CLN3: variants seen among roughly 807,000 people sequenced by gnomAD.
CLN3 encodes CLN3 lysosomal/endosomal transmembrane protein, battenin.
A neutral mutation model predicts 60.7 loss-of-function variants in CLN3; 49 were observed. The ratio of observed to expected loss-of-function variants is 0.81; its 90% CI spans 0.64 to 1.02. The LOEUF is 1.02. CLN3 is among the 50% of genes least tolerant of loss of function. The pLI, the probability that CLN3 is intolerant of heterozygous loss-of-function variation, is 0.00. For missense variants in CLN3, 516 were observed against 557.4 expected, an observed-to-expected ratio of 0.93 and a Z score of 0.75; for synonymous variants, 256 against 245.8, an observed-to-expected ratio of 1.04 and a Z score of -0.39.
chr16:28,479,185 T>A (rs951809309), intron 14 of CLN3, among the ~76,000 whole-genome samples: 2 of 152,224 alleles, frequency 1.3e-5, no homozygotes, highest in Non-Finnish European at 2.9e-5. Context: ...ACTTTTCGTA[T>A]ATGTAAGAAT....
chr16:28,477,982 G>A, intron 14 of CLN3, 105 bp from the exon 15 acceptor site: 2 of 1,327,732 alleles, frequency 1.5e-6, no homozygotes, highest in Non-Finnish European at 2.1e-6. Flanking sequence ...TGGTGAAGGA[G>A]AGGGCTGCCA....
At position 28,492,037 on chromosome 16, in the gene CLN3, T is replaced by A. The variant is rs565767570; in HGVS notation, c.-94A>T. ...GCCTGTACCTTTAAGAGCAGCAGAA[T>A]GTTCTGCACTATGCAGAGGCCGTTT... On this transcript the variant is annotated 5_prime_UTR_variant, in exon 1 of 16. Transcript: ENST00000636147. The A allele has an allele frequency of 1.4e-5, 8 of 571,212 alleles. 1 individual carries two copies. The highest frequency in any genetic ancestry group is 1.2e-4 in the South Asian group (6 of 49,678). The allele number at this position is 571,212 out of a possible 1,614,324, so 35.4% of individuals were successfully genotyped here.
the CLN3 span, among the ~76,000 whole-genome samples, chr16:28,468,806 CAAAAAAAAA>C: frequency 2.5e-4 from 6 of 24,384 alleles, no homozygotes; most frequent in Middle Eastern, 0.02. Context: ...GACTCTGTCT[CAAAAAAAAA>C]AAAAAAAAAA....
At chr16:28,487,629 G>C (rs2046242983) in intron 6 of CLN3, 33 bp downstream of exon 6, 1 of 1,603,168 alleles carries the variant, frequency 6.2e-7, no homozygotes, top group Non-Finnish European at 8.5e-7. Context: ...CTCAGCTCCT[G>C]CCCACCCTGC....
At chr16:28,478,754 T>C (rs989993615) in intron 14 of CLN3, among the ~76,000 whole-genome samples, 13 of 152,028 alleles carry the variant, frequency 8.6e-5, no homozygotes, top group Non-Finnish European at 1.3e-4. Context: ...GTCCTGTATA[T>C]GGCAGCGCAT....
At chr16:28,487,569 G>A in intron 6 of CLN3, 28 bp from the exon 7 acceptor site, 3 of 1,603,814 alleles carry the variant, frequency 1.9e-6, no homozygotes, top group South Asian at 1.1e-5. Flanking sequence ...GAAGGGAGGG[G>A]GAAGGTCGGT....
chr16:28,473,758 T>TA (rs201760913), downstream of CLN3, among the ~76,000 whole-genome samples: 6 of 151,928 alleles, frequency 3.9e-5, no homozygotes, highest in East Asian at 1.9e-4. Context: ...GGCTCTTTAA[T>TA]AAAAAAAGAC....
Position 28,488,676 on chromosome 16 carries a change from A to C in CLN3, c.223-14T>G. The stretch of plus-strand genomic sequence containing the variant: ...GCCTGGGTCCACCTAATGGGAGAAA[A>C]GCATGTCTTTCACCCTGGAGGCAGA... On this transcript the variant is annotated splice_polypyrimidine_tract_variant and intron_variant, in intron 4 of 15. Transcript: ENST00000636147. 1 of 1,613,138 alleles carries C rather than the reference A, an allele frequency of 6.2e-7. No homozygotes were observed. Among genetic ancestry groups the C allele is most frequent in the East Asian group, 2.2e-5 (1 of 44,872 alleles).
rs754906598 is a variant in CLN3 at position 28,484,089 on chromosome 16, G to T, written c.707C>A (p.Ala236Asp). 6.2e-7 allele frequency: 1 copy of T among 1,611,950 alleles called. No individual in the cohort carries two copies. The highest frequency in any genetic ancestry group is 1.3e-5 in the African/African-American group (1 of 75,024). ...SYFLLLTSPE[A>D]QDPGGEEEAE... ...TTCTTCTTCCCCTCCAGGGTCCTGG[G>T]CCTCAGGAGATGTGAGCAACAAGAA... The change falls in exon 10 of 16, where the codon GCC (alanine) becomes GAC (aspartate). Residue 236 changes from alanine to aspartate, a missense_variant. Transcript: ENST00000636147.
the CLN3 span, among the ~76,000 whole-genome samples, chr16:28,468,754 C>T: frequency 8.4e-6 from 1 of 119,392 alleles, no homozygotes; most frequent in Admixed American, 1.0e-4. Flanking sequence ...TTGCAGTGAG[C>T]CGAGATCGCA....
intron 5 of CLN3, chr16:28,488,320 A>C: frequency 5.4e-6 from 1 of 185,950 alleles, no homozygotes. Flanking sequence ...TAAGGTCTCA[A>C]TTATTTTATA....
downstream of CLN3, among the ~76,000 whole-genome samples, chr16:28,472,917 GTGAGCCAC>G (rs1357707884): frequency 1.4e-5 from 2 of 147,738 alleles, no homozygotes; most frequent in Non-Finnish European, 3.0e-5. Context: ...GATTACAGGC[GTGAGCCAC>G]TGCACCCCGC....
chr16:28,484,101 G>A lies in CLN3; in HGVS notation c.695C>T (p.Thr232Ile), dbSNP rs752450798. The A allele has an allele frequency of 6.2e-7, 1 of 1,610,862 alleles. No homozygotes were observed. The highest frequency in any genetic ancestry group is 8.5e-7 in the Non-Finnish European group (1 of 1,178,442). ...TCCAGGGTCCTGGGCCTCAGGAGAT[G>A]TGAGCAACAAGAAATAGCTAGGAGT... ...LLLASYFLLL[T>I]SPEAQDPGGE... The change falls in exon 10 of 16, where the codon ACA becomes ATA. Residue 232 changes from threonine (T) to isoleucine (I), a missense_variant. Transcript: ENST00000636147.
At chr16:28,486,299 A>G in intron 9 of CLN3, 48 bp downstream of exon 9, 1 of 1,609,264 alleles carries the variant, frequency 6.2e-7, no homozygotes, top group African/African-American at 1.3e-5. Context: ...GCCATGGCCA[A>G]GTTTTCTCTC....
chr16:28,492,078 A>C, upstream of CLN3: 1 of 448,732 alleles, frequency 2.2e-6, no homozygotes, highest in Non-Finnish European at 4.1e-6. Flanking sequence ...ATCACGTGAC[A>C]GCACCCGCGT....
chr16:28,486,380 G>T lies in CLN3; in HGVS notation c.644C>A (p.Ser215Tyr), dbSNP rs1328657534. Reference sequence around the variant, plus strand: ...CAGCAGGGCAGGGATACCCAGCATGGACAGCAGGGTCTGCTGAGGGGAGAG... The same window carrying T: ...CAGCAGGGCAGGGATACCCAGCATGTACAGCAGGGTCTGCTGAGGGGAGAG... Reference protein sequence around the residue: ...AGLSPQQTLLSMLGIPALLLA... With the variant: ...AGLSPQQTLLYMLGIPALLLA... Residue 215 changes from serine to tyrosine, a missense_variant, in exon 9 of 16, where the codon TCC (serine) becomes TAC (tyrosine). Physicochemically the swap from Ser to Tyr is moderately radical, Grantham distance 144. Transcript: ENST00000636147. The T allele has an allele frequency of 1.9e-6, 3 of 1,612,750 alleles. No homozygotes were observed. In the Admixed American group the frequency reaches 5.0e-5, roughly 27 times the overall value.
At chr16:28,489,216 T>A (rs1408691545) in intron 4 of CLN3, 74 bp downstream of exon 4, 1 of 1,209,534 alleles carries the variant, frequency 8.3e-7, no homozygotes, top group East Asian at 2.5e-5. Context: ...ACTGGAAACT[T>A]TACCCCACCT....
intron 1 of CLN3, 23 bp downstream of exon 1, chr16:28,491,997 A>G (rs940381889): frequency 3.2e-6 from 2 of 616,344 alleles, no homozygotes; most frequent in Non-Finnish European, 2.9e-6. Context: ...CCCCGTCTAC[A>G]GCAGGGACCC....
At chr16:28,487,783 G>T (rs2046247158) in intron 5 of CLN3, 42 bp from the exon 6 acceptor site, 3 of 1,537,722 alleles carry the variant, frequency 2.0e-6, no homozygotes, top group Admixed American at 3.5e-5. Flanking sequence ...GCTTCCAGGG[G>T]ACAACCCTCC....
Sources: gnomAD v4.1 joint callset for allele counts (sites outside exome capture counted in the v4.1 genomes callset) on GRCh38, gnomAD v4.1.1 for gene constraint, MANE v1.5 for transcripts, NCBI Gene and HGNC (gene_info 2026-07-23, HGNC 2026-07-21) for gene names.